The following DPYSL2 variants were observed in gnomAD, a reference collection of about 807,000 sequenced individuals.
The protein encoded by DPYSL2 is dihydropyrimidinase-related protein 2.
A neutral mutation model predicts 69.9 loss-of-function variants in DPYSL2; 13 were observed. The ratio of observed to expected loss-of-function variants is 0.19; its 90% CI spans 0.12 to 0.30. The LOEUF is 0.30. Ranked by LOEUF, DPYSL2 falls within the 10% of genes least tolerant of loss-of-function variation. DPYSL2 has a pLI of 1.00. For missense variants in DPYSL2, 587 were observed against 918.9 expected (o/e 0.64, Z 4.67); for synonymous variants, 326 against 359.1 (o/e 0.91, Z 1.04).
At chr8:26,559,424 G>A (rs184836201) in intron 1 of DPYSL2, among the ~76,000 whole-genome samples, 3 of 152,260 alleles carry the variant, frequency 2.0e-5, no homozygotes, top group Middle Eastern at 3.4e-3. Context: ...AGAAATGAGA[G>A]AGCCCATTGC....
At chr8:26,559,445 G>A (rs1801039925) in intron 1 of DPYSL2, among the ~76,000 whole-genome samples, 1 of 152,068 alleles carries the variant, frequency 6.6e-6, no homozygotes, top group Non-Finnish European at 1.5e-5. Flanking sequence ...TTCACACTTT[G>A]GTTAATACTT....
intron 3 of DPYSL2, among the ~76,000 whole-genome samples, chr8:26,592,836 A>C (rs1285884598): frequency 6.6e-6 from 1 of 151,980 alleles, no homozygotes; most frequent in African/African-American, 2.4e-5. Flanking sequence ...GTGTTTTCTG[A>C]CTTAACCATC....
intron 1 of DPYSL2, among the ~76,000 whole-genome samples, chr8:26,563,821 A>G (rs1364577974): frequency 6.6e-6 from 1 of 152,156 alleles, no homozygotes; most frequent in Non-Finnish European, 1.5e-5. Context: ...GGCACATAGA[A>G]GGCACTTAAT....
chr8:26,626,133 A>G lies in DPYSL2; in HGVS notation c.794-484A>G, dbSNP rs1231369575. Reference sequence around the variant, plus strand: ...TATTTCATTTACCATGATGTCCTTAAGGTTTCTCCATGTTGTAGCATGTGT... The same window carrying G: ...TATTTCATTTACCATGATGTCCTTAGGGTTTCTCCATGTTGTAGCATGTGT... On this transcript the variant is annotated intron_variant, in intron 4 of 13. Coordinates refer to ENST00000521913, the MANE Select transcript of DPYSL2 (RefSeq NM_001197293.3). This position sits in a 1 kb window ranked among gnomAD's most constrained non-coding sequence, Gnocchi z 4.3. Among the ~76,000 whole-genome samples the G allele has an allele frequency of 6.6e-6, 1 of 152,180 alleles. No homozygotes were observed. The highest frequency in any genetic ancestry group is 1.5e-5 in the Non-Finnish European group (1 of 68,044).
intron 3 of DPYSL2, among the ~76,000 whole-genome samples, chr8:26,612,921 A>G (rs1802265383): frequency 6.6e-6 from 1 of 152,216 alleles, no homozygotes; most frequent in African/African-American, 2.4e-5. Flanking sequence ...TGCATCTGTG[A>G]TGTAAGATCG....
rs1477039452 is a variant in DPYSL2, at chr8:26,644,334, G to A, written c.1425+243G>A. 2.6e-5 allele frequency among the ~76,000 whole-genome samples: 4 copies of A among 151,972 alleles called. No individual in the cohort carries two copies. The highest frequency in any genetic ancestry group is 2.0e-4 in the Admixed American group (3 of 15,250). On this transcript the variant is annotated intron_variant, in intron 10 of 13. Transcript: ENST00000521913. The surrounding 1 kb of genome is among the most constrained non-coding windows in gnomAD (Gnocchi z 4.5). ...AATTTTTAAATTTTTTTCAGACAAG[G>A]TCTTGCTCTGTCACCAGGCTGGAGT...
intron 1 of DPYSL2, among the ~76,000 whole-genome samples, chr8:26,541,223 G>A (rs868389367): frequency 6.6e-6 from 1 of 152,260 alleles, no homozygotes; most frequent in Admixed American, 6.5e-5. Context: ...CAGAAACTTC[G>A]CAGACTAGGA....
chr8:26,516,007 A>C lies in DPYSL2; in HGVS notation c.354+1328A>C, dbSNP rs1808281071. Among the ~76,000 whole-genome samples the C allele has an allele frequency of 6.6e-6, 1 of 152,210 alleles. No homozygotes were observed. The highest frequency in any genetic ancestry group is 1.5e-5 in the Non-Finnish European group (1 of 68,036). The stretch of plus-strand genomic sequence containing the variant: ...CAGAATTGGTGATGATGGTTGGGGC[A>C]TGATTTGACTGTTTGCTGATGTGAC... On this transcript the variant is annotated intron_variant, in intron 1 of 13. Transcript: ENST00000521913. The surrounding 1 kb of genome is among the most constrained non-coding windows in gnomAD (Gnocchi z 4.8).
chr8:26,616,401 G>C (rs1802348961), intron 3 of DPYSL2, among the ~76,000 whole-genome samples: 1 of 152,206 alleles, frequency 6.6e-6, no homozygotes, highest in Non-Finnish European at 1.5e-5. Context: ...GTAGATGCCA[G>C]CTCGGGAAAG....
At chr8:26,594,283 G>T (rs1398152406) in intron 3 of DPYSL2, among the ~76,000 whole-genome samples, 2 of 152,034 alleles carry the variant, frequency 1.3e-5, no homozygotes, top group Non-Finnish European at 2.9e-5. Flanking sequence ...AGTGTGAAAA[G>T]ATCTCCCTCT....
Position 26,653,285 on chromosome 8 carries a change from A to G in DPYSL2, c.1830A>G (p.Glu610=), listed in dbSNP as rs2129999381. 6.2e-7 allele frequency: 1 copy of G among 1,614,122 alleles called. No individual in the cohort carries two copies. The highest frequency in any genetic ancestry group is 8.5e-7 in the Non-Finnish European group (1 of 1,180,030). Residue 610 remains glutamate (E), a synonymous_variant, in exon 13 of 14, where the codon GAA becomes GAG. Coordinates refer to ENST00000521913, the MANE Select transcript of DPYSL2 (RefSeq NM_001197293.3). This position sits in a 1 kb window ranked among gnomAD's most constrained non-coding sequence, Gnocchi z 5.7. ...GCCTGTATGACGGACCTGTGTGTGAAGTGTCTGTGACGCCCAAGACAGTCA... is the reference window on the plus strand; with the variant it reads ...GCCTGTATGACGGACCTGTGTGTGAGGTGTCTGTGACGCCCAAGACAGTCA... The part of the protein sequence containing the change: ...PRGLYDGPVC[E]VSVTPKTVTP...
At chr8:26,522,808 T>C (rs1156866444) in intron 1 of DPYSL2, among the ~76,000 whole-genome samples, 1 of 152,214 alleles carries the variant, frequency 6.6e-6, no homozygotes, top group African/African-American at 2.4e-5. Flanking sequence ...ATCTTTTTAC[T>C]TTTTTGATGG....
intron 1 of DPYSL2, chr8:26,578,648 A>G: frequency 9.1e-7 from 1 of 1,100,960 alleles, no homozygotes; most frequent in Non-Finnish European, 1.1e-6. Context: ...GAGCTCGGAT[A>G]TTGTTCTCTG....
Position 26,653,133 on chromosome 8 carries a change from T to G in DPYSL2, c.1777-99T>G, listed in dbSNP as rs1189541332. ...ACCTGTCTGTAAGGAGAGCCCTCCATCCCTAGATCTCACAGGCCCATCCTC... is the reference window on the plus strand; with the variant it reads ...ACCTGTCTGTAAGGAGAGCCCTCCAGCCCTAGATCTCACAGGCCCATCCTC... On this transcript the variant is annotated intron_variant, in intron 12 of 13. Coordinates refer to ENST00000521913, the MANE Select transcript of DPYSL2 (RefSeq NM_001197293.3). The surrounding 1 kb of genome is among the most constrained non-coding windows in gnomAD (Gnocchi z 5.7). 3 of 1,413,546 alleles carry G rather than the reference T, an allele frequency of 2.1e-6. No homozygotes were observed. Among genetic ancestry groups the G allele is most frequent in the Non-Finnish European group, 2.9e-6 (3 of 1,037,188 alleles). 87.6% of individuals were successfully genotyped at this position (1,413,546 alleles called of 1,614,324 possible).
At chr8:26,600,752 C>T (rs1801973162) in intron 3 of DPYSL2, among the ~76,000 whole-genome samples, 1 of 152,188 alleles carries the variant, frequency 6.6e-6, no homozygotes, top group South Asian at 2.1e-4. Flanking sequence ...CCCTTGAGCC[C>T]TCCCTCTAGG....
intron 1 of DPYSL2, among the ~76,000 whole-genome samples, chr8:26,554,493 T>C (rs960728176): frequency 2.6e-5 from 4 of 152,200 alleles, no homozygotes; most frequent in Non-Finnish European, 4.4e-5. Flanking sequence ...GATAGTTTCT[T>C]TTGCTCTGCA....
At chr8:26,579,924 C>CTTT (rs67626321) in intron 1 of DPYSL2, among the ~76,000 whole-genome samples, 8 of 115,628 alleles carry the variant, frequency 6.9e-5, no homozygotes, top group African/African-American at 2.4e-4. Context: ...ATCAACAAGA[C>CTTT]TTTTTTTTTT....
chr8:26,600,749 G>A (rs926164933), intron 3 of DPYSL2, among the ~76,000 whole-genome samples: 1 of 152,144 alleles, frequency 6.6e-6, no homozygotes, highest in African/African-American at 2.4e-5. Context: ...GGACCCTTGA[G>A]CCCTCCCTCT....
intron 1 of DPYSL2, among the ~76,000 whole-genome samples, chr8:26,531,138 A>G (rs564299642): frequency 1.8e-4 from 27 of 151,990 alleles, no homozygotes; most frequent in Non-Finnish European, 3.1e-4. Context: ...CCACCTCTTA[A>G]CATTATTGCA....
Sources: gnomAD v4.1 joint callset for allele counts (sites outside exome capture counted in the v4.1 genomes callset) on GRCh38, gnomAD v4.1.1 for gene constraint, Gnocchi (gnomAD v3.1) non-coding constraint, MANE v1.5 for transcripts, NCBI Gene and HGNC (gene_info 2026-07-23, HGNC 2026-07-21) for gene names.